The following HMGA2 variants were observed in gnomAD, a reference collection of about 807,000 sequenced individuals.
The protein encoded by HMGA2 is high mobility group AT-hook 2.
HMGA2 carries 8 observed loss-of-function variants against 19.1 expected under a neutral mutation model. That is an observed-to-expected ratio of 0.42 (90% CI 0.25 to 0.76). The LOEUF is 0.76. HMGA2 is among the 30% of genes least tolerant of loss of function. HMGA2 has a pLI of 0.28. For synonymous variants in HMGA2, 60 were observed against 48.8 expected (o/e 1.23, Z -0.96); for missense variants, 109 against 136.3 (o/e 0.80, Z 1.00).
At chr12:65,913,797 C>T (rs183352896) in intron 3 of HMGA2, among the ~76,000 whole-genome samples, 84 of 152,302 alleles carry the variant, frequency 5.5e-4, no homozygotes, top group Admixed American at 1.2e-3. Context: ...GTCCCCATCA[C>T]AGCTGATGTG....
At position 65,824,988 on chromosome 12, in the gene HMGA2, A is replaced by C; in HGVS notation, c.-283A>C. Reference sequence around the variant, plus strand: ...TCTTGCTACCTCCACCTCCACCGCCACCTCCACCTCCGGCACCCACCCACC... The same window carrying C: ...TCTTGCTACCTCCACCTCCACCGCCCCCTCCACCTCCGGCACCCACCCACC... On this transcript the variant is annotated 5_prime_UTR_variant, in exon 1 of 5. Transcript: ENST00000403681. 5.1e-6 allele frequency: 2 copies of C among 394,614 alleles called. No individual in the cohort carries two copies. Among genetic ancestry groups the C allele is most frequent in the Non-Finnish European group, 4.5e-6 (1 of 221,172 alleles). 24.4% of individuals were successfully genotyped at this position (394,614 alleles called of 1,614,324 possible). A position where few individuals can be genotyped will look rare whatever the true frequency, so the allele number is the denominator to read the frequency against.
At chr12:65,952,194 A>T in intron 4 of HMGA2, 1 of 574,602 alleles carries the variant, frequency 1.7e-6, no homozygotes, top group East Asian at 2.8e-5. Flanking sequence ...GTAAATAGTC[A>T]TTGGAGATCC....
chr12:65,838,982 C>CTTTTTTTTTTTTT (rs761437964), intron 3 of HMGA2, among the ~76,000 whole-genome samples: 7 of 103,130 alleles, frequency 6.8e-5, no homozygotes, highest in African/African-American at 4.9e-4. Flanking sequence ...TTTTCTTTTT[C>CTTTTTTTTTTTTT]TTTCTTTTTC....
intron 3 of HMGA2, among the ~76,000 whole-genome samples, chr12:65,852,142 AT>A (rs1311989531): frequency 6.6e-6 from 1 of 152,044 alleles, no homozygotes; most frequent in African/African-American, 2.4e-5. Context: ...TGTACAAATA[AT>A]TTGTACAAAT....
intron 3 of HMGA2, chr12:65,842,594 G>A: frequency 6.5e-7 from 1 of 1,533,312 alleles, no homozygotes; most frequent in Non-Finnish European, 8.7e-7. Context: ...TATTAAGGAG[G>A]AGTTTTACAT....
intron 3 of HMGA2, among the ~76,000 whole-genome samples, chr12:65,914,091 C>T (rs1874966850): frequency 1.3e-5 from 2 of 152,124 alleles, no homozygotes; most frequent in Admixed American, 6.5e-5. Context: ...GTGGCGATTC[C>T]TCAGGGATCT....
intron 3 of HMGA2, among the ~76,000 whole-genome samples, chr12:65,928,979 T>G (rs1361820617): frequency 6.6e-6 from 1 of 152,258 alleles, no homozygotes; most frequent in Non-Finnish European, 1.5e-5. Flanking sequence ...TATGTATGTA[T>G]GTATCTTACT....
intron 3 of HMGA2, among the ~76,000 whole-genome samples, chr12:65,870,099 T>C (rs1327579569): frequency 6.6e-6 from 1 of 152,138 alleles, no homozygotes; most frequent in Non-Finnish European, 1.5e-5. Context: ...ATACAGGTCA[T>C]TGTTACAGGT....
At chr12:65,849,331 C>G (rs1315823716) in intron 3 of HMGA2, among the ~76,000 whole-genome samples, 1 of 152,180 alleles carries the variant, frequency 6.6e-6, no homozygotes, top group African/African-American at 2.4e-5. Flanking sequence ...ACATGGCCAT[C>G]TCTGTGTCCC....
chr12:65,914,221 T>C (rs1874973668), intron 3 of HMGA2, among the ~76,000 whole-genome samples: 2 of 151,950 alleles, frequency 1.3e-5, no homozygotes, highest in African/African-American at 4.8e-5. Flanking sequence ...TTATTCACAA[T>C]AGCAAAGACT....
rs375513990 is a variant in HMGA2 at position 65,881,812 on chromosome 12, T to C, written c.249+43243T>C. ...TCCCGGAACTGGCCTTGCGCGCAAGTGGTGGGATGACAGACACATTCCCTT... is the reference window on the plus strand; with the variant it reads ...TCCCGGAACTGGCCTTGCGCGCAAGCGGTGGGATGACAGACACATTCCCTT... On this transcript the variant is annotated intron_variant, in intron 3 of 4. Coordinates refer to ENST00000403681, the MANE Select transcript of HMGA2 (RefSeq NM_003483.6). 36 of 703,000 alleles carry C rather than the reference T, an allele frequency of 5.1e-5. 1 individual carries two copies. In the African/African-American group the frequency reaches 5.9e-4, roughly 12 times the overall value. 43.5% of individuals were successfully genotyped at this position (703,000 alleles called of 1,614,324 possible). A position where few individuals can be genotyped will look rare whatever the true frequency, so the allele number is the denominator to read the frequency against.
intron 3 of HMGA2, among the ~76,000 whole-genome samples, chr12:65,889,374 C>T (rs1024814030): frequency 6.6e-6 from 1 of 152,182 alleles, no homozygotes; most frequent in Non-Finnish European, 1.5e-5. Flanking sequence ...AGCACTGAAT[C>T]AGGAATGCTT....
At position 65,843,665 on chromosome 12, in the gene HMGA2, T is replaced by TACAC. The variant is rs35271921; in HGVS notation, c.249+5126_249+5129dup. On this transcript the variant is annotated intron_variant, in intron 3 of 4. Coordinates refer to ENST00000403681, the MANE Select transcript of HMGA2 (RefSeq NM_003483.6). ...TTTCCCTCCAGAGAGGTTTGCTACT[T>TACAC]ACACACACACACACACACACACACA... is the stretch of plus-strand genomic sequence containing the variant. 798 of 146,668 alleles carry TACAC rather than the reference T, an allele frequency of 5.4e-3. 2 individuals carry two copies. Among genetic ancestry groups the TACAC allele is most frequent in the African/African-American group, 0.012 (499 of 39,992 alleles). The allele number at this position is 146,668 out of a possible 1,614,324, so 9.1% of individuals were successfully genotyped here.
At chr12:65,923,611 G>A (rs1374074198) in intron 3 of HMGA2, among the ~76,000 whole-genome samples, 1 of 152,176 alleles carries the variant, frequency 6.6e-6, no homozygotes, top group Non-Finnish European at 1.5e-5. Flanking sequence ...GTACCCTGTG[G>A]GAACCTAGAA....
intron 3 of HMGA2, among the ~76,000 whole-genome samples, chr12:65,922,125 C>T (rs1277442815): frequency 6.6e-6 from 1 of 152,156 alleles, no homozygotes; most frequent in Non-Finnish European, 1.5e-5. Context: ...GGTTGGAGCC[C>T]CCACACAGAG....
At chr12:65,836,161 C>G (rs973515841) in intron 2 of HMGA2, among the ~76,000 whole-genome samples, 1 of 151,974 alleles carries the variant, frequency 6.6e-6, no homozygotes, top group Non-Finnish European at 1.5e-5. Context: ...AGATCGAGAC[C>G]ATCCTGGCTA....
Position 65,838,667 on chromosome 12 carries a change from A to G in HMGA2, c.249+98A>G, listed in dbSNP as rs2120873476. ...TATTTCGTCGATTACATGAATTTCC[A>G]ACTTCTGGTTTGATGAATCTTTGAA... On this transcript the variant is annotated intron_variant, in intron 3 of 4. Transcript: ENST00000403681. 5.8e-6 allele frequency: 5 copies of G among 861,584 alleles called. No homozygotes were observed. The East Asian group carries it at 1.1e-4, about 18-fold the overall frequency. 53.4% of individuals were successfully genotyped at this position (861,584 alleles called of 1,614,324 possible).
chr12:65,946,868 T>A (rs2121303749), intron 3 of HMGA2, among the ~76,000 whole-genome samples: 1 of 152,342 alleles, frequency 6.6e-6, no homozygotes, highest in South Asian at 2.1e-4. Context: ...CTGTATGACC[T>A]CAGAAATCCA....
chr12:65,901,705 G>T (rs1874379552), intron 3 of HMGA2, among the ~76,000 whole-genome samples: 1 of 151,928 alleles, frequency 6.6e-6, no homozygotes, highest in African/African-American at 2.4e-5. Flanking sequence ...ATGTATATAT[G>T]CACACATTGT....
Sources: gnomAD v4.1 joint callset for allele counts (sites outside exome capture counted in the v4.1 genomes callset) on GRCh38, gnomAD v4.1.1 for gene constraint, MANE v1.5 for transcripts, NCBI Gene and HGNC (gene_info 2026-07-23, HGNC 2026-07-21) for gene names.